The following CHEK2 variants were observed in gnomAD, a reference collection of about 807,000 sequenced individuals.
The protein encoded by CHEK2 is serine/threonine-protein kinase Chk2.
In CHEK2, 71 loss-of-function variants were observed where a neutral mutation model predicts 69.1. The ratio of observed to expected loss-of-function variants is 1.03; its 90% CI spans 0.85 to 1.25. CHEK2 has a LOEUF of 1.25. Ranked by LOEUF, CHEK2 falls within the 50% of genes most tolerant of loss-of-function variation. The probability of loss-of-function intolerance (pLI) is 0.00; values close to 1 mark genes in which losing one functional copy is unlikely to be tolerated. For synonymous variants in CHEK2, 189 were observed against 226.9 expected (o/e 0.83, Z 1.50); for missense variants, 664 against 649.6 (o/e 1.02, Z -0.24).
intron 7 of CHEK2, among the ~76,000 whole-genome samples, chr22:28,705,600 T>C (rs550592998): frequency 1.3e-5 from 2 of 152,162 alleles, no homozygotes; most frequent in African/African-American, 4.8e-5. Flanking sequence ...AGTAAAACTA[T>C]ATTATTTAGG....
In CHEK2 at chr22:28,734,487, CTT is replaced by C. The variant is rs2146146624; in HGVS notation, c.233_234del (p.Gln78ArgfsTer3). 1 of 1,613,882 alleles carries C rather than the reference CTT, an allele frequency of 6.2e-7. No individual in the cohort carries two copies. Among genetic ancestry groups the C allele is most frequent in the Non-Finnish European group, 8.5e-7 (1 of 1,179,878 alleles). On this transcript the variant is annotated frameshift_variant, in exon 2 of 15. Transcript: ENST00000404276. LOFTEE classifies it high-confidence loss of function. ...TQELYSIPED[Q>X]EPEDQEPEEP... is the part of the protein sequence containing the mutation. The stretch of plus-strand genomic sequence containing the variant: ...TCCTCAGGTTCTTGGTCCTCAGGTT[CTT>C]GGTCCTCAGGAATAGAATAGAGTTC...
chr22:28,724,035 C>T (rs987802127), intron 4 of CHEK2, among the ~76,000 whole-genome samples: 3 of 152,174 alleles, frequency 2.0e-5, no homozygotes, highest in Admixed American at 2.0e-4. Flanking sequence ...AACAACAATT[C>T]ATAGATATCT....
intron 4 of CHEK2, among the ~76,000 whole-genome samples, chr22:28,722,486 G>C (rs1247380078): frequency 6.8e-6 from 1 of 147,280 alleles, no homozygotes; most frequent in Non-Finnish European, 1.5e-5. Context: ...CTTGCAGTGG[G>C]CCGAGATCAT....
At chr22:28,703,131 C>T (rs2145873495) in intron 8 of CHEK2, among the ~76,000 whole-genome samples, 1 of 152,198 alleles carries the variant, frequency 6.6e-6, no homozygotes, top group South Asian at 2.1e-4. Context: ...GGATTTCCAT[C>T]CCTCATAGCA....
chr22:28,734,805 A>G (rs1456003961), intron 1 of CHEK2, 78 bp from the exon 2 acceptor site: 2 of 1,072,368 alleles, frequency 1.9e-6, no homozygotes, highest in Non-Finnish European at 2.8e-6. Flanking sequence ...TGATGGGCCT[A>G]TTACAACAGC....
intron 4 of CHEK2, among the ~76,000 whole-genome samples, chr22:28,719,807 T>C (rs1469487806): frequency 6.6e-6 from 1 of 152,132 alleles, no homozygotes. Flanking sequence ...TACACTAATA[T>C]AAAATGCCCA....
At chr22:28,715,275 C>T (rs1262972516) in intron 5 of CHEK2, among the ~76,000 whole-genome samples, 9 of 152,134 alleles carry the variant, frequency 5.9e-5, no homozygotes, top group Admixed American at 5.9e-4. Flanking sequence ...GCCCTGGTGA[C>T]ACTGCAGGAG....
At chr22:28,707,912 C>T (rs1182866477) in intron 7 of CHEK2, among the ~76,000 whole-genome samples, 1 of 147,144 alleles carries the variant, frequency 6.8e-6, no homozygotes, top group African/African-American at 2.5e-5. Context: ...TCTCGGCTCA[C>T]TGCAAGCTCC....
intron 4 of CHEK2, among the ~76,000 whole-genome samples, chr22:28,723,739 G>GA (rs2146044142): frequency 6.6e-6 from 1 of 151,662 alleles, no homozygotes; most frequent in East Asian, 2.0e-4. Context: ...CTTGAGCTCA[G>GA]AAGTCTAAGA....
chr22:28,690,677 C>T lies in CHEK2; in HGVS notation c.1462-1462G>A, dbSNP rs541479038. ...AATTAGCCAGACATGGTGGCATGCA[C>T]CTGTAGTCTCAGCTACTTGGGAGGC... On this transcript the variant is annotated intron_variant, in intron 13 of 14. Transcript: ENST00000404276. Among the ~76,000 whole-genome samples the T allele has an allele frequency of 5.3e-5, 8 of 152,002 alleles. No homozygotes were observed. The East Asian group carries it at 1.4e-3, about 26-fold the overall frequency.
intron 9 of CHEK2, among the ~76,000 whole-genome samples, chr22:28,699,189 A>C (rs1047410974): frequency 6.6e-6 from 1 of 151,686 alleles, no homozygotes; most frequent in African/African-American, 2.4e-5. Context: ...TTTTGTAGAG[A>C]TGGGGGTCCC....
intron 5 of CHEK2, 87 bp downstream of exon 5, chr22:28,719,308 G>A: frequency 2.9e-6 from 2 of 686,132 alleles, no homozygotes; most frequent in Non-Finnish European, 5.1e-6. Context: ...AATACATAAT[G>A]AGTGTTATAA....
chr22:28,733,574 A>T (rs530280297), intron 2 of CHEK2, among the ~76,000 whole-genome samples: 27 of 152,262 alleles, frequency 1.8e-4, no homozygotes, highest in South Asian at 1.0e-3. Context: ...CAACTAACTA[A>T]GGCAGGAAAA....
intron 8 of CHEK2, among the ~76,000 whole-genome samples, chr22:28,702,427 A>G (rs1431086858): frequency 4.7e-5 from 7 of 150,010 alleles, no homozygotes; most frequent in Admixed American, 2.0e-4. Flanking sequence ...TTTAGTAGAG[A>G]CAGGGTTTCA....
intron 4 of CHEK2, chr22:28,724,535 G>A (rs1022811248): frequency 1.6e-5 from 4 of 250,186 alleles, no homozygotes; most frequent in South Asian, 1.1e-4. Flanking sequence ...CAACTAGGAC[G>A]GCAAAGTTGA....
chr22:28,707,938 G>A (rs1361035810), intron 7 of CHEK2, among the ~76,000 whole-genome samples: 3 of 145,536 alleles, frequency 2.1e-5, no homozygotes, highest in Admixed American at 7.3e-5. Context: ...CCGGGTTCAC[G>A]CCATTCTCCT....
At chr22:28,715,863 CT>C (rs112857088) in intron 5 of CHEK2, among the ~76,000 whole-genome samples, 326 of 143,084 alleles carry the variant, frequency 2.3e-3, no homozygotes, top group Middle Eastern at 7.4e-3. Flanking sequence ...ATTTCTTCTT[CT>C]TTTTTTTTTT....
At chr22:28,722,291 A>G (rs1224769443) in intron 4 of CHEK2, among the ~76,000 whole-genome samples, 3 of 152,038 alleles carry the variant, frequency 2.0e-5, no homozygotes, top group Admixed American at 6.6e-5. Context: ...CTGTAATCCC[A>G]GCACTTTGGA....
At chr22:28,740,916 GA>G (rs1171966628) in intron 1 of CHEK2, among the ~76,000 whole-genome samples, 1 of 152,080 alleles carries the variant, frequency 6.6e-6, no homozygotes, top group Non-Finnish European at 1.5e-5. Flanking sequence ...AGCACTTTGG[GA>G]GGCCAAGGCA....
Sources: allele counts gnomAD v4.1 joint callset (sites outside exome capture counted in the v4.1 genomes callset), GRCh38; gene constraint gnomAD v4.1.1; transcripts MANE v1.5; gene names NCBI Gene and HGNC (gene_info 2026-07-23, HGNC 2026-07-21).